NTM: variants seen among roughly 807,000 people sequenced by gnomAD.
The protein encoded by NTM is IgLON family member 2.
In NTM, 13 loss-of-function variants were observed where a neutral mutation model predicts 42.1. That is an observed-to-expected ratio of 0.31 (90% CI 0.20 to 0.49). The LOEUF (loss-of-function observed/expected upper bound fraction) is 0.49, where lower values mean the gene tolerates loss of function less well. NTM is among the 20% of genes least tolerant of loss of function. NTM has a pLI of 0.99. For missense variants in NTM, 373 were observed against 452.8 expected (o/e 0.82, Z 1.60); for synonymous variants, 187 against 179.2 (o/e 1.04, Z -0.35).
rs1565969308 is a variant in NTM, at chr11:132,023,781, T to TGGTGGTTTTGTTGTTGG, written c.167+112133_167+112134insGGTGGTTTTGTTGTTGG. Among the ~76,000 whole-genome samples the TGGTGGTTTTGTTGTTGG allele has an allele frequency of 6.1e-4, 83 of 135,088 alleles. 2 individuals are homozygous for TGGTGGTTTTGTTGTTGG. The highest frequency in any genetic ancestry group is 1.6e-3 in the African/African-American group (64 of 39,076). The allele number at this position is 135,088 out of a possible 152,430, so 88.6% of individuals were successfully genotyped here. On this transcript the variant is annotated intron_variant, in intron 2 of 8. Coordinates refer to ENST00000683400, the MANE Select transcript of NTM (RefSeq NM_001352005.2). ...GTTGTTGGTGGTGGTTTTGTTGTTGTTGGTGGTTTTGTTGTTGGTGGTGGT... is the reference window on the plus strand; with the variant it reads ...GTTGTTGGTGGTGGTTTTGTTGTTGTGGTGGTTTTGTTGTTGGTGGTGGTTTTGTTGTTGGTGGTGGT...
intron 1 of NTM, among the ~76,000 whole-genome samples, chr11:131,606,843 CA>C (rs919599321): frequency 6.6e-6 from 1 of 151,564 alleles, no homozygotes; most frequent in South Asian, 2.1e-4. Flanking sequence ...TACCCCAGCA[CA>C]AAAAAAAGAG....
intron 1 of NTM, among the ~76,000 whole-genome samples, chr11:131,630,825 A>T (rs2063580852): frequency 6.6e-6 from 1 of 152,178 alleles, no homozygotes; most frequent in African/African-American, 2.4e-5. Context: ...TCTTTGGCAT[A>T]CTACATGAAA....
intron 1 of NTM, among the ~76,000 whole-genome samples, chr11:131,565,300 A>G (rs1252197920): frequency 6.6e-6 from 1 of 152,134 alleles, no homozygotes; most frequent in African/African-American, 2.4e-5. Flanking sequence ...GCCCTTATCC[A>G]TGCTTGTCTC....
intron 2 of NTM, among the ~76,000 whole-genome samples, chr11:131,950,848 G>C (rs541301747): frequency 1.3e-5 from 2 of 152,042 alleles, no homozygotes; most frequent in African/African-American, 4.8e-5. Context: ...ACTTCCTTCT[G>C]GTTCTCTTGG....
chr11:131,660,579 T>G, intron 1 of NTM: 1 of 457,632 alleles, frequency 2.2e-6, no homozygotes. Flanking sequence ...TCCTCATGCC[T>G]CGAAACCTTG....
intron 3 of NTM, among the ~76,000 whole-genome samples, chr11:132,178,089 T>TA (rs914000649): frequency 6.6e-6 from 1 of 152,128 alleles, no homozygotes; most frequent in Non-Finnish European, 1.5e-5. Context: ...ATGCCCAAAT[T>TA]AAAAATATTT....
At chr11:131,699,026 G>A (rs939015811) in intron 1 of NTM, among the ~76,000 whole-genome samples, 6 of 152,190 alleles carry the variant, frequency 3.9e-5, no homozygotes, top group South Asian at 2.1e-4. Context: ...TTATGGTGGC[G>A]ACTATGCAGG....
At chr11:132,183,491 G>A (rs1468111043) in intron 3 of NTM, among the ~76,000 whole-genome samples, 1 of 151,994 alleles carries the variant, frequency 6.6e-6, no homozygotes, top group African/African-American at 2.4e-5. Flanking sequence ...AAATTAGCAG[G>A]CATCATAGTT....
chr11:131,737,774 G>A (rs531625931), intron 1 of NTM, among the ~76,000 whole-genome samples: 11 of 152,156 alleles, frequency 7.2e-5, no homozygotes, highest in Admixed American at 5.2e-4. Flanking sequence ...AGGCAGGATG[G>A]GGGTGGGTAG....
At chr11:132,073,239 TAA>T (rs924152098) in intron 2 of NTM, among the ~76,000 whole-genome samples, 1 of 152,128 alleles carries the variant, frequency 6.6e-6, no homozygotes, top group African/African-American at 2.4e-5. Context: ...CCAGTGAAAA[TAA>T]ACTGTTTTAT....
Position 132,336,187 on chromosome 11 carries a change from TA to T in NTM, c.*1042del, listed in dbSNP as rs544911002. On this transcript the variant is annotated 3_prime_UTR_variant, in exon 9 of 9. Transcript: ENST00000683400. ...ATATTATACAGTATATATATACATATATTTTTTTTGTTAGAGTTCTAGCCAT... is the reference window on the plus strand; with the variant it reads ...ATATTATACAGTATATATATACATATTTTTTTTTGTTAGAGTTCTAGCCAT... 1.3e-3 allele frequency: 200 copies of T among 152,710 alleles called. 1 individual carries two copies. The highest frequency in any genetic ancestry group is 4.4e-3 in the African/African-American group (181 of 41,550). 9.5% of individuals were successfully genotyped at this position (152,710 alleles called of 1,614,324 possible). A position where few individuals can be genotyped will look rare whatever the true frequency, so the allele number is the denominator to read the frequency against.
At chr11:131,550,652 T>A (rs1255743259) in intron 1 of NTM, among the ~76,000 whole-genome samples, 3 of 152,146 alleles carry the variant, frequency 2.0e-5, no homozygotes, top group Non-Finnish European at 2.9e-5. Context: ...AATTAACCCT[T>A]TTTTTCTTTA....
chr11:131,674,069 G>GA (rs1309863814), intron 1 of NTM, among the ~76,000 whole-genome samples: 1 of 152,236 alleles, frequency 6.6e-6, no homozygotes, highest in Non-Finnish European at 1.5e-5. Flanking sequence ...TGACCTCATG[G>GA]AAAAAACATA....
At chr11:131,484,642 G>A (rs938480050) in intron 1 of NTM, among the ~76,000 whole-genome samples, 1 of 152,166 alleles carries the variant, frequency 6.6e-6, no homozygotes, top group African/African-American at 2.4e-5. Context: ...CTCCTGCGTA[G>A]ACACTGCCCC....
intron 1 of NTM, among the ~76,000 whole-genome samples, chr11:131,622,296 G>T (rs1202775424): frequency 4.6e-5 from 7 of 152,264 alleles, no homozygotes; most frequent in East Asian, 1.9e-4. Context: ...AATAAAATAG[G>T]TGAATATATG....
chr11:132,217,821 A>G (rs1054701000), intron 4 of NTM, among the ~76,000 whole-genome samples: 3 of 125,368 alleles, frequency 2.4e-5, no homozygotes, highest in African/African-American at 8.4e-5. Context: ...CACCCGGATA[A>G]GAGTTCTCCT....
At chr11:132,019,126 T>A (rs757451147) in intron 2 of NTM, among the ~76,000 whole-genome samples, 85 of 152,032 alleles carry the variant, frequency 5.6e-4, no homozygotes, top group Non-Finnish European at 1.0e-3. Context: ...GGAGCTTACT[T>A]CTTGTTTTAT....
chr11:132,152,993 A>G (rs1416049784), intron 3 of NTM, among the ~76,000 whole-genome samples: 1 of 152,218 alleles, frequency 6.6e-6, no homozygotes, highest in East Asian at 1.9e-4. Flanking sequence ...ACACCCACTC[A>G]TAGAGAATGG....
chr11:131,475,421 G>A (rs1159234486), intron 1 of NTM, among the ~76,000 whole-genome samples: 1 of 152,072 alleles, frequency 6.6e-6, no homozygotes, highest in African/African-American at 2.4e-5. Flanking sequence ...TGAGAAGGGG[G>A]CCATGACAGG....
Sources: allele counts gnomAD v4.1 joint callset (sites outside exome capture counted in the v4.1 genomes callset), GRCh38; gene constraint gnomAD v4.1.1; transcripts MANE v1.5; gene names NCBI Gene and HGNC (gene_info 2026-07-23, HGNC 2026-07-21).